The following SLC1A2 variants were observed in gnomAD, a reference collection of about 807,000 sequenced individuals.
SLC1A2 encodes the protein solute carrier family 1 member 2, also known as excitatory amino acid transporter 2.
A neutral mutation model predicts 48.8 loss-of-function variants in SLC1A2; 15 were observed. That is an observed-to-expected ratio of 0.31 (90% CI 0.21 to 0.47). The LOEUF (loss-of-function observed/expected upper bound fraction) is 0.47. Among genes scored for constraint, SLC1A2 ranks in the 20% least tolerant of loss-of-function variants. The pLI is 0.99. For synonymous variants in SLC1A2, 279 were observed against 272.6 expected, an observed-to-expected ratio of 1.02 and a Z score of -0.23; for missense variants, 502 against 730.5, an observed-to-expected ratio of 0.69 and a Z score of 3.61.
chr11:35,352,457 T>A (rs1590218769), intron 1 of SLC1A2: 1 of 152,232 alleles, frequency 6.6e-6, no homozygotes, highest in Admixed American at 6.5e-5. Flanking sequence ...GCAGGGCAGG[T>A]TAGTTCTTTA....
chr11:35,385,887 G>T (rs1854570178), intron 1 of SLC1A2, among the ~76,000 whole-genome samples: 1 of 152,186 alleles, frequency 6.6e-6, no homozygotes, highest in Non-Finnish European at 1.5e-5. Context: ...ATGACAGTTG[G>T]CCCGGCGCGG....
At chr11:35,371,010 C>G in intron 1 of SLC1A2, 1 of 985,178 alleles carries the variant, frequency 1.0e-6, no homozygotes, top group Non-Finnish European at 1.2e-6. Flanking sequence ...GCATCTTCCT[C>G]TCTCATTCAT....
At chr11:35,370,620 T>G (rs1174963358) in intron 1 of SLC1A2, among the ~76,000 whole-genome samples, 1 of 152,006 alleles carries the variant, frequency 6.6e-6, no homozygotes. Context: ...AGGTGTACTC[T>G]GGTTTCATGA....
rs151008004 is a variant in SLC1A2, at chr11:35,262,998, A to C, written c.1654-2033T>G. 2.1e-3 allele frequency among the ~76,000 whole-genome samples: 326 copies of C among 152,324 alleles called. 3 individuals carry two copies. Among genetic ancestry groups the C allele is most frequent in the African/African-American group, 7.2e-3 (299 of 41,576 alleles). ...ACACAGCAAGGACTAAAGATGCTAA[A>C]AGGATCCATTCAACAAATATTTATT... On this transcript the variant is annotated intron_variant, in intron 10 of 10. Transcript: ENST00000278379.
intron 4 of SLC1A2, among the ~76,000 whole-genome samples, chr11:35,309,582 G>A (rs1851623191): frequency 6.6e-6 from 1 of 152,160 alleles, no homozygotes; most frequent in African/African-American, 2.4e-5. Flanking sequence ...CGCCTGGGAG[G>A]AGGCAGTCTC....
At chr11:35,274,470 A>G (rs1850377435) in intron 9 of SLC1A2, among the ~76,000 whole-genome samples, 1 of 152,208 alleles carries the variant, frequency 6.6e-6, no homozygotes, top group East Asian at 1.9e-4. Flanking sequence ...ACTAAGATAG[A>G]CATAAGCCCC....
chr11:35,279,018 G>GA (rs1252692028), intron 9 of SLC1A2, among the ~76,000 whole-genome samples: 1 of 151,642 alleles, frequency 6.6e-6, no homozygotes, highest in African/African-American at 2.4e-5. Context: ...GACTCCATCT[G>GA]AAAAAAAAGA....
chr11:35,290,710 G>T (rs1404957602), intron 7 of SLC1A2, among the ~76,000 whole-genome samples: 2 of 99,762 alleles, frequency 2.0e-5, no homozygotes, highest in African/African-American at 3.0e-5. Flanking sequence ...ATTAAACCAG[G>T]TTGGGTTTTT....
intron 2 of SLC1A2, 152 bp from the exon 3 acceptor site, chr11:35,315,327 A>G: frequency 1.8e-6 from 1 of 556,992 alleles, no homozygotes; most frequent in Non-Finnish European, 3.2e-6. Context: ...AGATAAGTGA[A>G]GCTGATTTTG....
At chr11:35,371,044 T>A (rs1452754968) in intron 1 of SLC1A2, 1 of 985,202 alleles carries the variant, frequency 1.0e-6, no homozygotes, top group Non-Finnish European at 1.2e-6. Flanking sequence ...AGCTGTTTTC[T>A]TGCAGAGACA....
In SLC1A2 at chr11:35,259,628, A is replaced by G. The variant is rs1029362043; in HGVS notation, c.*1266T>C. 2 of 152,226 alleles carry G rather than the reference A, an allele frequency of 1.3e-5. No homozygotes were observed. Among genetic ancestry groups the G allele is most frequent in the African/African-American group, 4.8e-5 (2 of 41,456 alleles). The allele number at this position is 152,226 out of a possible 1,614,324, so 9.4% of individuals were successfully genotyped here. ...CAGAGCCATCCTTTGTTGCCATGTC[A>G]TTGTTCAAGGCTGCCTGGACTCTGC... is the stretch of plus-strand genomic sequence containing the variant. On this transcript the variant is annotated 3_prime_UTR_variant, in exon 11 of 11. Coordinates refer to ENST00000278379, the MANE Select transcript of SLC1A2 (RefSeq NM_004171.4).
chr11:35,341,847 T>G (rs1852852351), intron 1 of SLC1A2, among the ~76,000 whole-genome samples: 1 of 152,218 alleles, frequency 6.6e-6, no homozygotes, highest in South Asian at 2.1e-4. Flanking sequence ...AGTAAAAAAC[T>G]GAGTAATAAC....
chr11:35,406,915 T>A (rs1167811929), intron 1 of SLC1A2, among the ~76,000 whole-genome samples: 1 of 152,086 alleles, frequency 6.6e-6, no homozygotes, highest in Non-Finnish European at 1.5e-5. Context: ...GCTATGCAAA[T>A]ATCCAGGAAG....
intron 6 of SLC1A2, among the ~76,000 whole-genome samples, chr11:35,295,124 T>A (rs1851131318): frequency 6.6e-6 from 1 of 152,204 alleles, no homozygotes; most frequent in Admixed American, 6.5e-5. Context: ...CATTGCTTGC[T>A]GTAACCTTGA....
In SLC1A2 at chr11:35,258,075, A is replaced by T. The variant is rs573641953; in HGVS notation, c.*2819T>A. On this transcript the variant is annotated 3_prime_UTR_variant, in exon 11 of 11. Coordinates refer to ENST00000278379, the MANE Select transcript of SLC1A2 (RefSeq NM_004171.4). ...ATATGCTGGGCAAAGAAAATCCCAA[A>T]TGGGCATGGCAAGGGAGAAATAAAT... 1 of 152,350 alleles carries T rather than the reference A, an allele frequency of 6.6e-6. No individual in the cohort carries two copies. The highest frequency in any genetic ancestry group is 2.4e-5 in the African/African-American group (1 of 41,578). The allele number at this position is 152,350 out of a possible 1,614,324, so 9.4% of individuals were successfully genotyped here. A position where few individuals can be genotyped will look rare whatever the true frequency, so the allele number is the denominator to read the frequency against.
At chr11:35,289,446 T>A (rs1468466626) in intron 7 of SLC1A2, among the ~76,000 whole-genome samples, 1 of 152,000 alleles carries the variant, frequency 6.6e-6, no homozygotes, top group Non-Finnish European at 1.5e-5. Flanking sequence ...AAAACCACTT[T>A]TTTTTTTTCA....
chr11:35,277,659 C>G (rs1397713056), intron 9 of SLC1A2, among the ~76,000 whole-genome samples: 2 of 152,158 alleles, frequency 1.3e-5, no homozygotes, highest in African/African-American at 2.4e-5. Flanking sequence ...GCGAGGGACC[C>G]TCAATGACCA....
At chr11:35,402,769 C>T (rs1323626507) in intron 1 of SLC1A2, among the ~76,000 whole-genome samples, 4 of 152,206 alleles carry the variant, frequency 2.6e-5, no homozygotes, top group African/African-American at 7.2e-5. Context: ...ACTTGCAGGA[C>T]ACCTGCCTGG....
chr11:35,306,330 G>A lies in SLC1A2; in HGVS notation c.562-88C>T. The A allele has an allele frequency of 4.0e-6, 4 of 988,092 alleles. No individual in the cohort carries two copies. In the South Asian group the frequency reaches 6.9e-5, roughly 17 times the overall value. 61.2% of individuals were successfully genotyped at this position (988,092 alleles called of 1,614,324 possible). ...AGATTGGCTACTCATATATTTTAAG[G>A]TTCCCAACAGGTTAACAATAATTAA... is the stretch of plus-strand genomic sequence containing the variant. On this transcript the variant is annotated intron_variant, in intron 4 of 10. Transcript: ENST00000278379.
Sources: gnomAD v4.1 joint callset for allele counts (sites outside exome capture counted in the v4.1 genomes callset) on GRCh38, gnomAD v4.1.1 for gene constraint, MANE v1.5 for transcripts, NCBI Gene and HGNC (gene_info 2026-07-23, HGNC 2026-07-21) for gene names.